Variants in PHF8 observed in about 807,000 individuals in gnomAD.
PHF8 encodes the protein histone lysine demethylase PHF8.
In PHF8, 9 loss-of-function variants were observed where a neutral mutation model predicts 74.4. The observed-to-expected ratio is 0.12, with a 90% CI of 0.07 to 0.21. The LOEUF is 0.21. Ranked by LOEUF, PHF8 falls within the 10% of genes least tolerant of loss-of-function variation. PHF8 has a pLI of 1.00. For missense variants in PHF8, 478 were observed against 816.6 expected (o/e 0.59, Z 5.05); for synonymous variants, 311 against 316.6 (o/e 0.98, Z 0.19).
chrX:53,940,153 G>C, intron 21 of PHF8, 27 bp downstream of exon 21: 3 of 1,112,551 alleles, frequency 2.7e-6, no homozygotes, highest in Non-Finnish European at 3.6e-6. Flanking sequence ...AAGATCCTTC[G>C]GTTCTACAAC....
chrX:54,011,394 G>T, intron 7 of PHF8, 110 bp from the exon 8 acceptor site: 1 of 632,871 alleles, frequency 1.6e-6, no homozygotes, highest in Non-Finnish European at 2.6e-6. Flanking sequence ...ATGGCAATAT[G>T]CCAGAGTTCT....
At chrX:54,019,140 A>G (rs1557109056) in intron 4 of PHF8, among the ~76,000 whole-genome samples, 1 of 112,076 alleles carries the variant, frequency 8.9e-6, no homozygotes, top group Non-Finnish European at 1.9e-5. Flanking sequence ...TCACAGAGAA[A>G]ACAATCAAGC....
At chrX:54,016,883 C>G in intron 5 of PHF8, 147 bp from the exon 6 acceptor site, 1 of 501,592 alleles carries the variant, frequency 2.0e-6, no homozygotes, top group South Asian at 3.0e-5. Context: ...GTTTGGGGGG[C>G]AGGGGAAGGA....
At chrX:53,962,069 T>C (rs2065114496) in intron 19 of PHF8, among the ~76,000 whole-genome samples, 1 of 111,519 alleles carries the variant, frequency 9.0e-6, no homozygotes, top group Non-Finnish European at 1.9e-5. Context: ...GTGGAAAAGC[T>C]TGGTAGACTA....
chrX:53,948,561 T>C (rs2064868392), intron 19 of PHF8, among the ~76,000 whole-genome samples: 1 of 110,862 alleles, frequency 9.0e-6, no homozygotes, highest in Non-Finnish European at 1.9e-5. Flanking sequence ...GCGTGAACCA[T>C]CGGGTAAAAT....
chrX:53,996,578 C>G (rs2065752788), intron 11 of PHF8, among the ~76,000 whole-genome samples: 1 of 111,157 alleles, frequency 9.0e-6, no homozygotes, highest in African/African-American at 3.3e-5. Flanking sequence ...GAGTCTTACT[C>G]TGCCACCCAG....
At chrX:53,973,372 G>A (rs1557095172) in intron 18 of PHF8, among the ~76,000 whole-genome samples, 1 of 111,648 alleles carries the variant, frequency 9.0e-6, no homozygotes. Flanking sequence ...TAAAGCTGGA[G>A]GCATCACGCT....
At chrX:54,024,433 T>C (rs1284330751) in intron 2 of PHF8, among the ~76,000 whole-genome samples, 4 of 112,128 alleles carry the variant, frequency 3.6e-5, no homozygotes, top group African/African-American at 9.7e-5. Flanking sequence ...CTGGACTGCA[T>C]GCTTTCTATC....
chrX:53,996,318 T>A (rs1302213405), intron 11 of PHF8, among the ~76,000 whole-genome samples: 1 of 110,748 alleles, frequency 9.0e-6, no homozygotes, highest in African/African-American at 3.3e-5. Context: ...TTTCACCATG[T>A]TGGCCAGGCT....
chrX:54,019,871 CA>C (rs1290110986), intron 4 of PHF8, among the ~76,000 whole-genome samples: 11 of 99,914 alleles, frequency 1.1e-4, no homozygotes, highest in Admixed American at 2.2e-4. Flanking sequence ...ATCAGAAAGG[CA>C]AAAAAAAAAT....
At chrX:54,038,918 C>T (rs1033928870) in intron 2 of PHF8, among the ~76,000 whole-genome samples, 23 of 110,587 alleles carry the variant, frequency 2.1e-4, no homozygotes, top group Non-Finnish European at 3.2e-4. Flanking sequence ...GGGTGGATCA[C>T]GAGGTCAGCA....
intron 19 of PHF8, among the ~76,000 whole-genome samples, chrX:53,955,557 C>CTTTTTTTTTTTT (rs369969712): frequency 4.1e-5 from 3 of 72,978 alleles, no homozygotes; most frequent in African/African-American, 1.0e-4. Context: ...CTCTTCTTTT[C>CTTTTTTTTTTTT]TTTTTTTTTT....
chrX:54,044,929 C>T, upstream of PHF8: 2 of 1,123,169 alleles, frequency 1.8e-6, no homozygotes, highest in East Asian at 3.3e-5. Flanking sequence ...CCCACGGTCT[C>T]TGCGTTGTTG....
intron 19 of PHF8, among the ~76,000 whole-genome samples, chrX:53,959,648 G>A (rs1028397323): frequency 9.1e-6 from 1 of 109,598 alleles, no homozygotes; most frequent in Non-Finnish European, 1.9e-5. Context: ...GATCACTTGA[G>A]GTCAGGAGTT....
chrX:54,008,421 G>T (rs2065929874), intron 8 of PHF8, among the ~76,000 whole-genome samples: 1 of 104,087 alleles, frequency 9.6e-6, no homozygotes, highest in Admixed American at 1.1e-4. Context: ...AGCAGGAGTA[G>T]CTCACGCCTG....
intron 4 of PHF8, among the ~76,000 whole-genome samples, chrX:54,021,067 A>G (rs953166935): frequency 2.7e-5 from 3 of 112,575 alleles, no homozygotes; most frequent in African/African-American, 9.7e-5. Context: ...ATGGATAAAG[A>G]AAAGTGTGGT....
At chrX:53,955,489 C>A (rs1313735127) in intron 19 of PHF8, among the ~76,000 whole-genome samples, 1 of 108,072 alleles carries the variant, frequency 9.3e-6, no homozygotes, top group East Asian at 2.9e-4. Flanking sequence ...GCTACAGATA[C>A]AATGATGGCC....
intron 19 of PHF8, among the ~76,000 whole-genome samples, chrX:53,955,223 T>A (rs1569524569): frequency 9.0e-6 from 1 of 111,168 alleles, no homozygotes; most frequent in Non-Finnish European, 1.9e-5. Context: ...TGATATTACA[T>A]AATTATATCA....
At chrX:53,986,717 G>A (rs2065571746) in intron 16 of PHF8, among the ~76,000 whole-genome samples, 1 of 111,246 alleles carries the variant, frequency 9.0e-6, no homozygotes, top group Non-Finnish European at 1.9e-5. Context: ...AAGATCGCTT[G>A]AGCCCAGGAG....
Sources: gnomAD v4.1 joint callset for allele counts (sites outside exome capture counted in the v4.1 genomes callset) on GRCh38, gnomAD v4.1.1 for gene constraint, MANE v1.5 for transcripts, NCBI Gene and HGNC (gene_info 2026-07-23, HGNC 2026-07-21) for gene names.